Variants in SH3TC2 observed in about 807,000 individuals in gnomAD.
SH3TC2 encodes SH3 domain and tetratricopeptide repeat-containing protein 2.
SH3TC2 carries 87 observed loss-of-function variants against 124.5 expected under a neutral mutation model. The observed-to-expected ratio is 0.70, with a 90% CI of 0.59 to 0.84. The LOEUF (loss-of-function observed/expected upper bound fraction) is 0.84. Among genes scored for constraint, SH3TC2 ranks in the 40% least tolerant of loss-of-function variants. The pLI, the probability that SH3TC2 is intolerant of heterozygous loss-of-function variation, is 0.00. For missense variants in SH3TC2, 1,536 were observed against 1,566.4 expected (o/e 0.98, Z 0.33); for synonymous variants, 634 against 628.5 (o/e 1.01, Z -0.13).
Position 149,031,668 on chromosome 5 carries a change from G to C in SH3TC2, c.1021C>G (p.Leu341Val), listed in dbSNP as rs750625316. 4 of 1,614,042 alleles carry C rather than the reference G, an allele frequency of 2.5e-6. No homozygotes were observed. In the African/African-American group the frequency reaches 5.3e-5, roughly 22 times the overall value. ...YSPMSRNSAFLSDEERCSLLA... is the reference protein window; with the variant it reads ...YSPMSRNSAFVSDEERCSLLA... The stretch of plus-strand genomic sequence containing the variant: ...AGGGAGCATCTCTCCTCATCACTGA[G>C]AAAGGCAGAGTTCCTGCTCCTGCAT... Residue 341 changes from leucine (L) to valine (V), a missense_variant, in exon 9 of 17, where the codon CTC becomes GTC. Physicochemically the swap from Leu to Val is conservative, Grantham distance 32. Transcript: ENST00000515425.
rs1335682517 is a variant in SH3TC2 at position 149,004,849 on chromosome 5, C to T, written c.3729G>A (p.Leu1243=). 4 of 1,614,196 alleles carry T rather than the reference C, an allele frequency of 2.5e-6. No homozygotes were observed. Among genetic ancestry groups the T allele is most frequent in the Admixed American group, 1.7e-5 (1 of 60,036 alleles). The change falls in exon 17 of 17, where the codon CTG becomes CTA. Residue 1243 remains leucine, a synonymous_variant. Transcript: ENST00000515425. Reference sequence around the variant, plus strand: ...TGTCCTGAAGCTCCTCATCACCCAGCAGGACCGCTGCTGCCAGGGCCAGAA... The same window carrying T: ...TGTCCTGAAGCTCCTCATCACCCAGTAGGACCGCTGCTGCCAGGGCCAGAA... ...YFLLALAAAV[L]LGDEELQDTI...
At chr5:149,024,473 A>G (rs1423434245) in intron 12 of SH3TC2, among the ~76,000 whole-genome samples, 2 of 152,226 alleles carry the variant, frequency 1.3e-5, no homozygotes, top group Non-Finnish European at 2.9e-5. Context: ...CAAAAATTCA[A>G]TACACTTTGG....
At chr5:149,057,660 C>A (rs1368632464) in intron 1 of SH3TC2, 1 of 152,192 alleles carries the variant, frequency 6.6e-6, no homozygotes, top group African/African-American at 2.4e-5. Flanking sequence ...AAAGCAAGCT[C>A]TCTATTTTTC....
Position 149,027,557 on chromosome 5 carries a change from A to G in SH3TC2, c.2175T>C (p.Pro725=), listed in dbSNP as rs1440761427. 1.2e-6 allele frequency: 2 copies of G among 1,614,108 alleles called. No individual in the cohort carries two copies. Among genetic ancestry groups the G allele is most frequent in the African/African-American group, 2.7e-5 (2 of 74,948 alleles). The change falls in exon 11 of 17, where the codon CCT becomes CCC. Residue 725 remains proline, a synonymous_variant. Coordinates refer to ENST00000515425, the MANE Select transcript of SH3TC2 (RefSeq NM_024577.4). The part of the protein sequence containing the change: ...LQNTTKLLGF[P]SPGWGEVSAL... The stretch of plus-strand genomic sequence containing the variant: ...CAGAAACTTCACCCCAGCCTGGGGA[A>G]GGAAAGCCAAGGAGCTTGGTTGTGT...
At chr5:149,061,400 A>G (rs1314659883) in intron 1 of SH3TC2, among the ~76,000 whole-genome samples, 1 of 152,160 alleles carries the variant, frequency 6.6e-6, no homozygotes, top group Non-Finnish European at 1.5e-5. Flanking sequence ...AATTGTATAT[A>G]TGATTAAATG....
rs559900420 is a variant in SH3TC2, at chr5:148,999,498, G to A, written c.*5213C>T. Among the ~76,000 whole-genome samples, 31 of 152,230 alleles carry A rather than the reference G, an allele frequency of 2.0e-4. No homozygotes were observed. The highest frequency in any genetic ancestry group is 1.5e-3 in the East Asian group (8 of 5,176). ...CCCTTGAATTTCTTCCTTCTTTGCC[G>A]CTTGTCCACACATCTCAATGGGAGC... On this transcript the variant is annotated 3_prime_UTR_variant, in exon 17 of 17. Coordinates refer to ENST00000515425, the MANE Select transcript of SH3TC2 (RefSeq NM_024577.4).
intron 12 of SH3TC2, among the ~76,000 whole-genome samples, chr5:149,023,421 A>C (rs1044151544): frequency 1.3e-5 from 2 of 152,088 alleles, no homozygotes; most frequent in Non-Finnish European, 2.9e-5. Flanking sequence ...ATATTTATTT[A>C]AGATAGAAAA....
At chr5:149,050,092 T>C (rs1199139136) in intron 2 of SH3TC2, among the ~76,000 whole-genome samples, 1 of 152,140 alleles carries the variant, frequency 6.6e-6, no homozygotes, top group South Asian at 2.1e-4. Context: ...TGAATCTCCT[T>C]ACCATGCACA....
chr5:148,984,732 C>A lies in SH3TC2; in HGVS notation c.*19979G>T, dbSNP rs1406140147. Among the ~76,000 whole-genome samples the A allele has an allele frequency of 6.6e-6, 1 of 152,180 alleles. No individual in the cohort carries two copies. Among genetic ancestry groups the A allele is most frequent in the Non-Finnish European group, 1.5e-5 (1 of 68,024 alleles). ...AGTGGGTATTCCAACCCTCAAAGAG[C>A]TGTGCTTGGTGCTGTAAACAAATTT... On this transcript the variant is annotated 3_prime_UTR_variant, in exon 17 of 17. Coordinates refer to ENST00000515425, the MANE Select transcript of SH3TC2 (RefSeq NM_024577.4).
chr5:149,042,945 C>A (rs1220472543), intron 4 of SH3TC2, 108 bp from the exon 5 acceptor site: 2 of 1,269,890 alleles, frequency 1.6e-6, no homozygotes, highest in Non-Finnish European at 2.3e-6. Context: ...AGACCACAAG[C>A]CCCAACCTGC....
rs558061125 is a variant in SH3TC2 at position 149,030,529 on chromosome 5, C to G, written c.1135+1025G>C. 1.6e-3 allele frequency among the ~76,000 whole-genome samples: 238 copies of G among 152,362 alleles called. 1 individual carries two copies. The highest frequency in any genetic ancestry group is 5.4e-3 in the African/African-American group (224 of 41,600). The stretch of plus-strand genomic sequence containing the variant: ...CCTCAATTTTCAGACATCAGGCTCC[C>G]GCCTACTGGGCAGTGTTTACAACTC... On this transcript the variant is annotated intron_variant, in intron 9 of 16. Coordinates refer to ENST00000515425, the MANE Select transcript of SH3TC2 (RefSeq NM_024577.4).
At chr5:149,062,265 G>C (rs1215701032) in intron 1 of SH3TC2, 2 of 497,090 alleles carry the variant, frequency 4.0e-6, no homozygotes, top group Non-Finnish European at 8.3e-6. Flanking sequence ...CACCACACAA[G>C]AGAACACAGG....
At chr5:149,031,717 A>T (rs372252930) in intron 8 of SH3TC2, 30 bp from the exon 9 acceptor site, 52 of 1,613,136 alleles carry the variant, frequency 3.2e-5, no homozygotes, top group Non-Finnish European at 3.4e-5. Context: ...ACAGAGACAG[A>T]TTACTGCAAG....
intron 12 of SH3TC2, among the ~76,000 whole-genome samples, chr5:149,018,108 T>A (rs1199527718): frequency 5.9e-5 from 9 of 152,184 alleles, no homozygotes; most frequent in Admixed American, 5.9e-4. Flanking sequence ...GGAAGGCTCA[T>A]GCAAGTTGTT....
intron 9 of SH3TC2, among the ~76,000 whole-genome samples, 190 bp from the exon 10 acceptor site, chr5:149,028,908 G>A (rs1422154824): frequency 1.3e-5 from 2 of 151,696 alleles, no homozygotes; most frequent in Non-Finnish European, 2.9e-5. Context: ...TAATCATCTT[G>A]TTTAACCCAT....
chr5:149,010,439 T>C (rs948601649), intron 13 of SH3TC2, 47 bp from the exon 14 acceptor site: 1 of 1,611,530 alleles, frequency 6.2e-7, no homozygotes, highest in Non-Finnish European at 8.5e-7. Context: ...GAGGGCTTCC[T>C]GACCTCCACA....
At chr5:149,016,710 G>A (rs1014207404) in intron 12 of SH3TC2, among the ~76,000 whole-genome samples, 4 of 152,128 alleles carry the variant, frequency 2.6e-5, no homozygotes, top group African/African-American at 9.7e-5. Flanking sequence ...CGGATCACGA[G>A]GTCAGGAGAT....
intron 2 of SH3TC2, among the ~76,000 whole-genome samples, chr5:149,051,434 T>C (rs188302636): frequency 6.6e-6 from 1 of 152,296 alleles, no homozygotes; most frequent in Non-Finnish European, 1.5e-5. Context: ...CACATATTCA[T>C]TCAACCATTC....
At chr5:149,043,264 T>C (rs1580911158) in intron 4 of SH3TC2, among the ~76,000 whole-genome samples, 3 of 152,266 alleles carry the variant, frequency 2.0e-5, no homozygotes, top group African/African-American at 7.2e-5. Flanking sequence ...AGGTTCTACA[T>C]GGCTCCCCCT....
Sources: allele counts gnomAD v4.1 joint callset (sites outside exome capture counted in the v4.1 genomes callset), GRCh38; gene constraint gnomAD v4.1.1; transcripts MANE v1.5; gene names NCBI Gene and HGNC (gene_info 2026-07-23, HGNC 2026-07-21).